Variants in DYM observed in about 807,000 individuals in gnomAD.
DYM encodes the protein dyggve-Melchior-Clausen syndrome protein.
In DYM, 78 loss-of-function variants were observed where a neutral mutation model predicts 93.1. The ratio of observed to expected loss-of-function variants is 0.84; its 90% CI spans 0.70 to 1.01. The LOEUF (loss-of-function observed/expected upper bound fraction) is 1.01, where lower values mean the gene tolerates loss of function less well. Among genes scored for constraint, DYM ranks in the 50% least tolerant of loss-of-function variants. The pLI is 0.00. For synonymous variants in DYM, 321 were observed against 319.7 expected, an observed-to-expected ratio of 1.00 and a Z score of -0.04; for missense variants, 789 against 845.0, an observed-to-expected ratio of 0.93 and a Z score of 0.82.
intron 14 of DYM, among the ~76,000 whole-genome samples, chr18:49,165,834 T>A (rs903921452): frequency 6.6e-6 from 1 of 152,140 alleles, no homozygotes; most frequent in Non-Finnish European, 1.5e-5. Flanking sequence ...TGAAGTTTCA[T>A]GAAGGTCACC....
At chr18:49,081,368 G>A (rs534118959) in intron 17 of DYM, among the ~76,000 whole-genome samples, 1 of 151,852 alleles carries the variant, frequency 6.6e-6, no homozygotes, top group African/African-American at 2.4e-5. Context: ...GTCAGGCGTG[G>A]TGGCGCGTGC....
In DYM at chr18:49,391,590, T is replaced by TA; in HGVS notation, c.193+2dup. On this transcript the variant is annotated splice_region_variant and intron_variant, in intron 3 of 17. Coordinates refer to ENST00000675505, the MANE Select transcript of DYM (RefSeq NM_001353214.3). ...ACACCCCACACACATTTTTCCCACT[T>TA]ACCTAATGACCTGCAGACTGAAATG... 1 of 1,613,374 alleles carries TA rather than the reference T, an allele frequency of 6.2e-7. No homozygotes were observed. Among genetic ancestry groups the TA allele is most frequent in the African/African-American group, 1.3e-5 (1 of 75,026 alleles).
intron 6 of DYM, among the ~76,000 whole-genome samples, chr18:49,337,512 G>C (rs1415350544): frequency 6.6e-6 from 1 of 152,216 alleles, no homozygotes; most frequent in Non-Finnish European, 1.5e-5. Context: ...TGAGTGCTAA[G>C]AACTATGTAT....
chr18:49,368,958 T>A (rs1302724672), intron 5 of DYM, among the ~76,000 whole-genome samples: 15 of 152,242 alleles, frequency 9.9e-5, no homozygotes, highest in Non-Finnish European at 1.5e-5. Flanking sequence ...GCCTTCACTG[T>A]TTGGAATCCT....
At chr18:49,195,664 G>A (rs1012245900) in intron 14 of DYM, among the ~76,000 whole-genome samples, 1 of 152,114 alleles carries the variant, frequency 6.6e-6, no homozygotes. Context: ...AAAAAGTTTT[G>A]TGTTTTTAGG....
At chr18:49,351,033 A>T (rs1179240247) in intron 6 of DYM, among the ~76,000 whole-genome samples, 1 of 152,196 alleles carries the variant, frequency 6.6e-6, no homozygotes, top group Non-Finnish European at 1.5e-5. Flanking sequence ...TGACTTGAAC[A>T]TGAGTTTTAG....
chr18:49,283,283 T>G (rs2145772830), intron 9 of DYM, among the ~76,000 whole-genome samples: 1 of 152,332 alleles, frequency 6.6e-6, no homozygotes, highest in East Asian at 1.9e-4. Flanking sequence ...GGGGGCCATC[T>G]GCGTATATTC....
At chr18:49,362,514 C>T (rs960447549) in intron 6 of DYM, among the ~76,000 whole-genome samples, 3 of 152,118 alleles carry the variant, frequency 2.0e-5, no homozygotes, top group Non-Finnish European at 2.9e-5. Flanking sequence ...GGTTCAGCAG[C>T]TCAATGACAT....
chr18:49,410,048 A>G (rs1225428409), intron 2 of DYM, among the ~76,000 whole-genome samples: 3 of 152,000 alleles, frequency 2.0e-5, no homozygotes, highest in Non-Finnish European at 4.4e-5. Context: ...TTTCTTCTTC[A>G]TCTGAACACT....
At chr18:49,432,984 G>A (rs2080477210) in intron 1 of DYM, among the ~76,000 whole-genome samples, 2 of 152,104 alleles carry the variant, frequency 1.3e-5, no homozygotes, top group Admixed American at 1.3e-4. Flanking sequence ...TTTCTGATTT[G>A]CCAAGATTCA....
chr18:49,360,554 G>A (rs550387005), intron 6 of DYM, among the ~76,000 whole-genome samples: 159 of 152,072 alleles, frequency 1.0e-3, no homozygotes, highest in African/African-American at 3.6e-3. Context: ...CCCAGGAGGC[G>A]GAGGTTGCAG....
At position 49,178,186 on chromosome 18, in the gene DYM, G is replaced by T. The variant is rs376040177; in HGVS notation, c.1626-14399C>A. Among the ~76,000 whole-genome samples the T allele has an allele frequency of 1.6e-4, 24 of 152,178 alleles. No individual in the cohort carries two copies. In the East Asian group the frequency reaches 3.5e-3, roughly 22 times the overall value. ...ACAGTTCTCAGAAAGCTCAGTTACT[G>T]GCTTCCTCAGTGAAAGCTTCTAAAT... On this transcript the variant is annotated intron_variant, in intron 14 of 17. Transcript: ENST00000675505.
At chr18:49,177,563 T>C (rs1793026335) in intron 14 of DYM, among the ~76,000 whole-genome samples, 1 of 152,152 alleles carries the variant, frequency 6.6e-6, no homozygotes, top group South Asian at 2.1e-4. Context: ...TATAGGTCTT[T>C]ACTGGTAAAT....
At chr18:49,250,868 G>T (rs1447221372) in intron 13 of DYM, among the ~76,000 whole-genome samples, 2 of 152,214 alleles carry the variant, frequency 1.3e-5, no homozygotes, top group African/African-American at 4.8e-5. Context: ...TGGGTATATG[G>T]CAAATGGCAA....
At chr18:49,072,684 G>A (rs1416126838) in intron 17 of DYM, among the ~76,000 whole-genome samples, 1 of 152,240 alleles carries the variant, frequency 6.6e-6, no homozygotes, top group Non-Finnish European at 1.5e-5. Flanking sequence ...GTGAGTTTCG[G>A]AACGTTTGAG....
chr18:49,364,478 C>T (rs2066328583), intron 5 of DYM, among the ~76,000 whole-genome samples: 1 of 151,832 alleles, frequency 6.6e-6, no homozygotes, highest in Non-Finnish European at 1.5e-5. Context: ...AGAAAACTGA[C>T]TCCTGGACTC....
chr18:49,147,794 A>T (rs1415013913), intron 15 of DYM, among the ~76,000 whole-genome samples: 1 of 152,204 alleles, frequency 6.6e-6, no homozygotes, highest in Non-Finnish European at 1.5e-5. Context: ...GCGATTCCTC[A>T]GGGATCTAGA....
At chr18:49,124,717 A>C (rs942124485) in intron 15 of DYM, among the ~76,000 whole-genome samples, 2 of 152,160 alleles carry the variant, frequency 1.3e-5, no homozygotes, top group African/African-American at 4.8e-5. Flanking sequence ...CAGATTTATA[A>C]ATTAAATGAC....
chr18:49,055,747 G>A (rs1224136133), intron 17 of DYM, among the ~76,000 whole-genome samples: 1 of 152,254 alleles, frequency 6.6e-6, no homozygotes, highest in Non-Finnish European at 1.5e-5. Context: ...ACAGCAGCAT[G>A]CTGTGGGTGA....
Sources: gnomAD v4.1 joint callset for allele counts (sites outside exome capture counted in the v4.1 genomes callset) on GRCh38, gnomAD v4.1.1 for gene constraint, MANE v1.5 for transcripts, NCBI Gene and HGNC (gene_info 2026-07-23, HGNC 2026-07-21) for gene names.